Variants in CFAP299 observed in about 807,000 individuals in gnomAD.
CFAP299 encodes the protein cilia- and flagella-associated protein 299.
Under a neutral mutation model 27.0 loss-of-function variants are expected in CFAP299, and 21 were observed. The observed-to-expected ratio is 0.78, with a 90% CI of 0.55 to 1.12. The LOEUF (loss-of-function observed/expected upper bound fraction) is 1.12, where lower values mean the gene tolerates loss of function less well. Ranked by LOEUF, CFAP299 falls within the 50% of genes most tolerant of loss-of-function variation. CFAP299 has a pLI of 0.00. For missense variants in CFAP299, 310 were observed against 276.6 expected (o/e 1.12, Z -0.86); for synonymous variants, 104 against 98.1 (o/e 1.06, Z -0.36).
At chr4:80,622,686 T>C (rs1280125178) in intron 3 of CFAP299, among the ~76,000 whole-genome samples, 6 of 152,056 alleles carry the variant, frequency 3.9e-5, no homozygotes, top group Non-Finnish European at 8.8e-5. Flanking sequence ...ATTAAAAAAT[T>C]AAGAAAACCT....
intron 5 of CFAP299, among the ~76,000 whole-genome samples, chr4:80,952,491 G>A (rs1202451947): frequency 6.6e-6 from 1 of 151,958 alleles, no homozygotes; most frequent in Admixed American, 6.6e-5. Flanking sequence ...TTTTTTCCAG[G>A]GTAACGGCAA....
chr4:80,816,801 G>A (rs1162289249), intron 3 of CFAP299, among the ~76,000 whole-genome samples: 2 of 151,928 alleles, frequency 1.3e-5, no homozygotes, highest in Non-Finnish European at 1.5e-5. Context: ...ATTGTCTTGG[G>A]CCACACATAA....
intron 3 of CFAP299, among the ~76,000 whole-genome samples, chr4:80,587,499 A>T (rs1465802626): frequency 6.6e-6 from 1 of 152,180 alleles, no homozygotes; most frequent in East Asian, 1.9e-4. Context: ...CACCCAAAGT[A>T]TGGGGATAAT....
At chr4:80,390,489 CTCTA>C (rs1324658767) in intron 2 of CFAP299, among the ~76,000 whole-genome samples, 4 of 132,972 alleles carry the variant, frequency 3.0e-5, no homozygotes, top group African/African-American at 1.2e-4. Context: ...CTCTCTCTCT[CTCTA>C]TATATATGTA....
At chr4:80,861,860 T>G (rs1447135124) in intron 3 of CFAP299, among the ~76,000 whole-genome samples, 1 of 152,182 alleles carries the variant, frequency 6.6e-6, no homozygotes, top group African/African-American at 2.4e-5. Flanking sequence ...TGGATCAACT[T>G]ATTGAACTGT....
intron 1 of CFAP299, among the ~76,000 whole-genome samples, chr4:80,340,370 C>G (rs147057329): frequency 6.6e-6 from 1 of 152,204 alleles, no homozygotes; most frequent in Non-Finnish European, 1.5e-5. Context: ...TGTGCAAAGT[C>G]TCAGCAGAGT....
chr4:80,897,181 AG>A (rs532703366), intron 4 of CFAP299, among the ~76,000 whole-genome samples: 1 of 152,184 alleles, frequency 6.6e-6, no homozygotes, highest in Non-Finnish European at 1.5e-5. Flanking sequence ...AAAAACAGCA[AG>A]GTGTACTACT....
At chr4:80,433,442 T>C (rs1250844607) in intron 2 of CFAP299, among the ~76,000 whole-genome samples, 1 of 152,154 alleles carries the variant, frequency 6.6e-6, no homozygotes, top group East Asian at 1.9e-4. Context: ...AAGAATACTT[T>C]ACCTTAAAAA....
chr4:80,518,867 G>C (rs1003882523), intron 2 of CFAP299, among the ~76,000 whole-genome samples: 24 of 152,128 alleles, frequency 1.6e-4, no homozygotes, highest in African/African-American at 4.3e-4. Flanking sequence ...ACTTTGCTTA[G>C]AGAGGACATA....
At chr4:80,532,717 TGTG>T (rs895697493) in intron 2 of CFAP299, among the ~76,000 whole-genome samples, 42 of 152,336 alleles carry the variant, frequency 2.8e-4, no homozygotes, top group African/African-American at 9.6e-4. Context: ...CTACTGTTAT[TGTG>T]GTTGTTATTA....
At chr4:80,323,750 T>C in the CFAP299 span, among the ~76,000 whole-genome samples, 4 of 152,198 alleles carry the variant, frequency 2.6e-5, no homozygotes, top group African/African-American at 9.6e-5. Context: ...CAGGTCAATC[T>C]TCCAGAAATC....
chr4:80,891,778 T>TAAAAAAAAAA (rs1200985883), intron 4 of CFAP299, among the ~76,000 whole-genome samples: 1 of 25,594 alleles, frequency 3.9e-5, no homozygotes, highest in East Asian at 9.6e-4. Flanking sequence ...AAAAAAAAAT[T>TAAAAAAAAAA]AAAAAAAAAA....
intron 2 of CFAP299, among the ~76,000 whole-genome samples, chr4:80,474,470 CA>C (rs1363014010): frequency 6.6e-6 from 1 of 152,016 alleles, no homozygotes; most frequent in Admixed American, 6.6e-5. Flanking sequence ...TTAAAATGTC[CA>C]AAAATTCATT....
At chr4:80,667,308 A>G (rs1450630778) in intron 3 of CFAP299, among the ~76,000 whole-genome samples, 3 of 152,178 alleles carry the variant, frequency 2.0e-5, no homozygotes, top group Non-Finnish European at 2.9e-5. Context: ...GATATTCATC[A>G]TCTTAAATCT....
chr4:80,526,690 C>A (rs953703762), intron 2 of CFAP299, among the ~76,000 whole-genome samples: 16 of 151,984 alleles, frequency 1.1e-4, no homozygotes, highest in Non-Finnish European at 2.9e-5. Flanking sequence ...GTTACTCTGT[C>A]TAAGGCATAT....
intron 2 of CFAP299, among the ~76,000 whole-genome samples, chr4:80,577,187 A>G (rs1338566818): frequency 1.3e-5 from 2 of 152,228 alleles, no homozygotes; most frequent in Non-Finnish European, 2.9e-5. Flanking sequence ...TAGTGAATCT[A>G]GAATAAAACT....
intron 3 of CFAP299, among the ~76,000 whole-genome samples, chr4:80,851,317 C>T (rs958554924): frequency 2.0e-5 from 3 of 152,082 alleles, no homozygotes; most frequent in African/African-American, 7.2e-5. Context: ...CTACTATGAG[C>T]TAGGCACTGA....
intron 2 of CFAP299, among the ~76,000 whole-genome samples, chr4:80,421,964 A>G (rs1727304171): frequency 6.6e-6 from 1 of 152,206 alleles, no homozygotes; most frequent in Admixed American, 6.5e-5. Flanking sequence ...CATAGAAACT[A>G]CTAGTTAGTA....
chr4:80,391,764 T>C (rs1725494604), intron 2 of CFAP299, among the ~76,000 whole-genome samples: 1 of 152,064 alleles, frequency 6.6e-6, no homozygotes, highest in African/African-American at 2.4e-5. Context: ...TCCCAGGAGT[T>C]TGAGACCAGC....
Sources: allele counts gnomAD v4.1 joint callset (sites outside exome capture counted in the v4.1 genomes callset), GRCh38; gene constraint gnomAD v4.1.1; transcripts MANE v1.5; gene names NCBI Gene and HGNC (gene_info 2026-07-23, HGNC 2026-07-21).